PLCB4: variants seen among roughly 807,000 people sequenced by gnomAD.
The protein encoded by PLCB4 is phospholipase C beta 4, also known as 1-phosphatidylinositol 4,5-bisphosphate phosphodiesterase beta-4.
Under a neutral mutation model 178.8 loss-of-function variants are expected in PLCB4, and 77 were observed. The observed-to-expected ratio is 0.43, with a 90% CI of 0.36 to 0.52. The LOEUF is 0.52. Ranked by LOEUF, PLCB4 falls within the 20% of genes least tolerant of loss-of-function variation. PLCB4 has a pLI of 0.00. For synonymous variants in PLCB4, 496 were observed against 490.8 expected (o/e 1.01, Z -0.14); for missense variants, 1,024 against 1,453.4 (o/e 0.70, Z 4.80).
chr20:9,437,056 G>A lies in PLCB4; in HGVS notation c.2668G>A (p.Ala890Thr), dbSNP rs1312728965. The A allele has an allele frequency of 1.2e-6, 2 of 1,613,966 alleles. No homozygotes were observed. Among genetic ancestry groups the A allele is most frequent in the Admixed American group, 3.3e-5 (2 of 60,010 alleles). The change falls in exon 30 of 40, where the codon GCC becomes ACC. Residue 890 changes from alanine (A) to threonine (T), a missense_variant. Ala to Thr is a moderately conservative substitution (Grantham distance 58). Transcript: ENST00000378473. ...DTSKNDKKGK[A>T]NTAKANVTPQ... is the part of the protein sequence containing the mutation. ...TTCCAAAAATGACAAGAAAGGAAAGGCCAACACCGCCAAAGCAAATGTGAC... is the reference window on the plus strand; with the variant it reads ...TTCCAAAAATGACAAGAAAGGAAAGACCAACACCGCCAAAGCAAATGTGAC...
At chr20:9,280,450 G>A (rs1049394925) in intron 3 of PLCB4, 2 of 984,374 alleles carry the variant, frequency 2.0e-6, no homozygotes, top group African/African-American at 3.5e-5. Context: ...TGGAATGGCA[G>A]GGGAGAAGGG....
Position 9,407,983 on chromosome 20 carries a change from A to G in PLCB4, c.1714A>G (p.Asn572Asp). Residue 572 changes from asparagine to aspartate, a missense_variant, in exon 22 of 40, where the codon AAT becomes GAT. This residue lies in a region of PLCB4 where 263 missense variants were observed against 417.4 expected (regional missense o/e 0.63). Coordinates refer to ENST00000378473, the MANE Select transcript of PLCB4 (RefSeq NM_001377142.1). ...TTATAAATATGTAGGTGCTACCACT[A>G]ATATCCATCCATATTTGTCCACAAT... Reference protein sequence around the residue: ...ASYKYVGATTNIHPYLSTMIN... With the variant: ...ASYKYVGATTDIHPYLSTMIN... 6.2e-7 allele frequency: 1 copy of G among 1,612,234 alleles called. No individual in the cohort carries two copies. Among genetic ancestry groups the G allele is most frequent in the Non-Finnish European group, 8.5e-7 (1 of 1,178,252 alleles).
chr20:9,154,747 C>T (rs985494524), intron 2 of PLCB4, among the ~76,000 whole-genome samples: 1 of 148,532 alleles, frequency 6.7e-6, no homozygotes, highest in Admixed American at 6.7e-5. Context: ...TCCCTCCTTT[C>T]CTTTCCCTCC....
chr20:9,366,973 C>G (rs1785247290), intron 9 of PLCB4, among the ~76,000 whole-genome samples: 2 of 152,236 alleles, frequency 1.3e-5, no homozygotes, highest in Admixed American at 1.3e-4. Context: ...TGCGTAGCAT[C>G]TGTGTGGATG....
rs1408018049 is a variant in PLCB4 at position 9,397,799 on chromosome 20, T to A, written c.1510+2181T>A. On this transcript the variant is annotated intron_variant, in intron 19 of 39. Coordinates refer to ENST00000378473, the MANE Select transcript of PLCB4 (RefSeq NM_001377142.1). ...GATACTCGTTATTATGGTCATCTGT[T>A]ACTATGCAATAAACCATCCCCAAAT... Among the ~76,000 whole-genome samples the A allele has an allele frequency of 2.0e-5, 3 of 152,216 alleles. No homozygotes were observed. The East Asian group carries it at 5.8e-4, about 29-fold the overall frequency.
chr20:9,249,726 A>C (rs541301359), intron 3 of PLCB4, among the ~76,000 whole-genome samples: 1 of 152,212 alleles, frequency 6.6e-6, no homozygotes, highest in South Asian at 2.1e-4. Flanking sequence ...CATCCCCTAA[A>C]CCAGAAATGA....
At chr20:9,203,942 C>T (rs777723739) in intron 2 of PLCB4, among the ~76,000 whole-genome samples, 4 of 151,866 alleles carry the variant, frequency 2.6e-5, no homozygotes, top group African/African-American at 9.7e-5. Flanking sequence ...AGAGATTTGG[C>T]CTAATTTTAT....
chr20:9,224,810 C>G (rs1238123986), intron 3 of PLCB4, among the ~76,000 whole-genome samples: 1 of 152,224 alleles, frequency 6.6e-6, no homozygotes, highest in African/African-American at 2.4e-5. Context: ...ACTTTCCTAA[C>G]AGTTGCTAAG....
At chr20:9,319,072 C>T (rs1350006946) in intron 4 of PLCB4, among the ~76,000 whole-genome samples, 1 of 152,140 alleles carries the variant, frequency 6.6e-6, no homozygotes, top group African/African-American at 2.4e-5. Context: ...TCTTTGCACA[C>T]CTCTTTGGAA....
chr20:9,184,231 T>C (rs2093293476), intron 2 of PLCB4, among the ~76,000 whole-genome samples: 1 of 152,164 alleles, frequency 6.6e-6, no homozygotes, highest in Non-Finnish European at 1.5e-5. Flanking sequence ...ATTGTGGTCA[T>C]GGGAAAAAAC....
chr20:9,363,073 G>T lies in PLCB4; in HGVS notation c.449+98G>T, dbSNP rs1270540401. On this transcript the variant is annotated intron_variant, in intron 8 of 39. Coordinates refer to ENST00000378473, the MANE Select transcript of PLCB4 (RefSeq NM_001377142.1). ...AGGTGGTTCCTTCCTCCAAATTCCT[G>T]CTTGCCTTTCCCTCCATGCTCCTGA... The T allele has an allele frequency of 3.9e-5, 33 of 849,060 alleles. No individual in the cohort carries two copies. The Admixed American group carries it at 5.8e-4, about 15-fold the overall frequency. 52.6% of individuals were successfully genotyped at this position (849,060 alleles called of 1,614,324 possible).
At chr20:9,358,578 C>T (rs1324985483) in intron 7 of PLCB4, among the ~76,000 whole-genome samples, 1 of 152,238 alleles carries the variant, frequency 6.6e-6, no homozygotes, top group East Asian at 1.9e-4. Context: ...ACGGGCCAGC[C>T]TGTGCCTAGT....
At chr20:9,233,244 C>A (rs2093953477) in intron 3 of PLCB4, among the ~76,000 whole-genome samples, 1 of 152,010 alleles carries the variant, frequency 6.6e-6, no homozygotes, top group African/African-American at 2.4e-5. Context: ...ATGTTTCCGT[C>A]CTCATTAGTG....
intron 3 of PLCB4, among the ~76,000 whole-genome samples, chr20:9,237,254 G>A (rs1244464510): frequency 1.3e-5 from 2 of 152,016 alleles, no homozygotes; most frequent in Admixed American, 6.6e-5. Context: ...GTGTGCATAC[G>A]TATGTTTAAA....
chr20:9,168,578 T>C (rs1187077485), intron 2 of PLCB4, among the ~76,000 whole-genome samples: 2 of 152,230 alleles, frequency 1.3e-5, no homozygotes, highest in African/African-American at 4.8e-5. Context: ...TCTGCATTGC[T>C]AACAGGCTCC....
intron 34 of PLCB4, among the ~76,000 whole-genome samples, chr20:9,459,034 G>A (rs1167559002): frequency 6.6e-6 from 1 of 152,192 alleles, no homozygotes; most frequent in Non-Finnish European, 1.5e-5. Context: ...TGGTAAAAGA[G>A]CCTAAGGCCC....
intron 3 of PLCB4, among the ~76,000 whole-genome samples, chr20:9,280,189 A>G (rs1444132418): frequency 1.3e-5 from 2 of 151,998 alleles, no homozygotes; most frequent in African/African-American, 4.8e-5. Context: ...AGGAATAGAG[A>G]TTAATAAGGT....
chr20:9,475,030 C>G (rs2044451986), intron 38 of PLCB4, among the ~76,000 whole-genome samples: 1 of 152,164 alleles, frequency 6.6e-6, no homozygotes, highest in African/African-American at 2.4e-5. Context: ...ATAAAGTCAC[C>G]ATCTCCAAAG....
chr20:9,171,017 C>T (rs2093055251), intron 2 of PLCB4, among the ~76,000 whole-genome samples: 1 of 152,148 alleles, frequency 6.6e-6, no homozygotes, highest in Non-Finnish European at 1.5e-5. Flanking sequence ...CCATGAAACT[C>T]CCATTTTTGG....
Sources: gnomAD v4.1 joint callset for allele counts (sites outside exome capture counted in the v4.1 genomes callset) on GRCh38, gnomAD v4.1.1 for gene constraint, gnomAD v4.1.1 regional missense constraint, MANE v1.5 for transcripts, NCBI Gene and HGNC (gene_info 2026-07-23, HGNC 2026-07-21) for gene names.